Variants in CCDC148 observed in about 807,000 individuals in gnomAD.
CCDC148 encodes the protein coiled-coil domain-containing protein 148.
A neutral mutation model predicts 85.7 loss-of-function variants in CCDC148; 89 were observed. The observed-to-expected ratio is 1.04, with a 90% CI of 0.87 to 1.24. CCDC148 has a LOEUF of 1.24. CCDC148 is among the 50% of genes most tolerant of loss of function. CCDC148 has a pLI of 0.00. For missense variants in CCDC148, 692 were observed against 671.7 expected (o/e 1.03, Z -0.33); for synonymous variants, 230 against 213.9 (o/e 1.08, Z -0.66).
chr2:158,182,787 T>C (rs1233820561), intron 11 of CCDC148, among the ~76,000 whole-genome samples: 2 of 152,186 alleles, frequency 1.3e-5, no homozygotes, highest in Non-Finnish European at 2.9e-5. Flanking sequence ...GTGCTTCTTC[T>C]ACTCTGGATA....
chr2:158,189,190 G>C (rs1402514939), intron 11 of CCDC148, among the ~76,000 whole-genome samples: 1 of 151,884 alleles, frequency 6.6e-6, no homozygotes, highest in Non-Finnish European at 1.5e-5. Context: ...GTCAGAAAGA[G>C]AGTGAGAGGA....
intron 11 of CCDC148, among the ~76,000 whole-genome samples, chr2:158,183,657 C>T (rs144678162): frequency 2.0e-5 from 3 of 152,230 alleles, no homozygotes; most frequent in Non-Finnish European, 4.4e-5. Context: ...ACTCCCCCTA[C>T]CACCTAACAT....
In CCDC148 at chr2:158,377,859, G is replaced by A. The variant is rs555305345; in HGVS notation, c.26-19289C>T. ...ACATAAGAAAGCAAACTTGATAAAT[G>A]TTGTGTGTATTCTGACTAATTCGTT... On this transcript the variant is annotated intron_variant, in intron 1 of 13. Coordinates refer to ENST00000283233, the MANE Select transcript of CCDC148 (RefSeq NM_138803.4). Among the ~76,000 whole-genome samples, 7 of 152,230 alleles carry A rather than the reference G, an allele frequency of 4.6e-5. No individual in the cohort carries two copies. The South Asian group carries it at 1.4e-3, about 32-fold the overall frequency.
chr2:158,328,649 A>G (rs1466108608), intron 7 of CCDC148, among the ~76,000 whole-genome samples: 1 of 152,024 alleles, frequency 6.6e-6, no homozygotes, highest in Non-Finnish European at 1.5e-5. Flanking sequence ...AAGTGCTCCT[A>G]TTTCTCCACA....
chr2:158,353,818 T>C (rs1683465238), intron 2 of CCDC148, among the ~76,000 whole-genome samples: 1 of 152,120 alleles, frequency 6.6e-6, no homozygotes. Context: ...ATTGACCATA[T>C]AGTTGGAAGT....
intron 7 of CCDC148, among the ~76,000 whole-genome samples, chr2:158,323,612 T>A (rs1400974758): frequency 6.6e-6 from 1 of 152,178 alleles, no homozygotes; most frequent in Non-Finnish European, 1.5e-5. Context: ...CGGGGAAAGC[T>A]CTCTATTCAG....
At chr2:158,238,259 C>G (rs759020828) in intron 10 of CCDC148, among the ~76,000 whole-genome samples, 1 of 151,840 alleles carries the variant, frequency 6.6e-6, no homozygotes, top group Non-Finnish European at 1.5e-5. Context: ...TAAACTTGAG[C>G]AGGAGAAGGG....
At chr2:158,337,510 C>T (rs10174033) in intron 7 of CCDC148, among the ~76,000 whole-genome samples, 25,798 of 151,992 alleles carry the variant, frequency 0.17, 3,497 homozygotes, top group African/African-American at 0.38. Flanking sequence ...TACTTCACTA[C>T]GACTGAGTTC....
At chr2:158,310,000 T>C (rs944177587) in intron 8 of CCDC148, among the ~76,000 whole-genome samples, 4 of 152,202 alleles carry the variant, frequency 2.6e-5, no homozygotes, top group African/African-American at 9.7e-5. Flanking sequence ...CATAGGACAA[T>C]AGTGGAGAGA....
At chr2:158,253,110 C>A (rs1271579134) in intron 9 of CCDC148, among the ~76,000 whole-genome samples, 2 of 151,598 alleles carry the variant, frequency 1.3e-5, no homozygotes, top group African/African-American at 4.8e-5. Context: ...ATTTCTTAAG[C>A]GCGGATGAAT....
At chr2:158,190,270 T>C (rs1458371640) in intron 11 of CCDC148, among the ~76,000 whole-genome samples, 3 of 152,004 alleles carry the variant, frequency 2.0e-5, no homozygotes, top group Non-Finnish European at 1.5e-5. Flanking sequence ...AGAAATAATG[T>C]TGGCTTTCAG....
chr2:158,404,790 C>A (rs534084815), intron 1 of CCDC148, among the ~76,000 whole-genome samples: 1 of 152,232 alleles, frequency 6.6e-6, no homozygotes, highest in East Asian at 1.9e-4. Flanking sequence ...TAGGGAGGAC[C>A]AGACTCCCTC....
Position 158,456,533 on chromosome 2 carries a change from A to G in CCDC148, c.-94T>C. 3 of 1,483,980 alleles carry G rather than the reference A, an allele frequency of 2.0e-6. No individual in the cohort carries two copies. Among genetic ancestry groups the G allele is most frequent in the Non-Finnish European group, 2.7e-6 (3 of 1,097,388 alleles). 91.9% of individuals were successfully genotyped at this position (1,483,980 alleles called of 1,614,324 possible). Reference sequence around the variant, plus strand: ...GCTCTCGCCGTCAGGGGTACATCTAAGGGCTCAGCTGTTCCTACCTTTGAC... The same window carrying G: ...GCTCTCGCCGTCAGGGGTACATCTAGGGGCTCAGCTGTTCCTACCTTTGAC... On this transcript the variant is annotated 5_prime_UTR_variant, in exon 1 of 14. Coordinates refer to ENST00000283233, the MANE Select transcript of CCDC148 (RefSeq NM_138803.4).
intron 9 of CCDC148, among the ~76,000 whole-genome samples, chr2:158,268,606 A>T (rs1689573791): frequency 6.6e-6 from 1 of 152,160 alleles, no homozygotes; most frequent in Non-Finnish European, 1.5e-5. Context: ...TTGTGGTGAG[A>T]ATATTCAAGC....
Position 158,339,000 on chromosome 2 carries a change from C to G in CCDC148, c.572G>C (p.Trp191Ser). Residue 191 changes from tryptophan (W) to serine (S), a missense_variant, in exon 6 of 14, where the codon TGG (tryptophan) becomes TCG (serine). Physicochemically the swap from Trp to Ser is radical, Grantham distance 177. Coordinates refer to ENST00000283233, the MANE Select transcript of CCDC148 (RefSeq NM_138803.4). ...CCACATCACACTTACCTTTATACTC[C>G]AGTCTGAAAGATCATTTTCTATTCT... ...QQRIENDLSD[W>S]SIKILDHSLE... The G allele has an allele frequency of 6.2e-7, 1 of 1,612,924 alleles. No homozygotes were observed. Among genetic ancestry groups the G allele is most frequent in the African/African-American group, 1.3e-5 (1 of 74,976 alleles).
chr2:158,251,501 G>C (rs900406897), intron 9 of CCDC148, among the ~76,000 whole-genome samples: 1 of 151,734 alleles, frequency 6.6e-6, no homozygotes, highest in Non-Finnish European at 1.5e-5. Context: ...AAAATGCATA[G>C]CCTTGATCCA....
At chr2:158,198,497 T>G (rs550798277) in intron 11 of CCDC148, among the ~76,000 whole-genome samples, 1 of 152,306 alleles carries the variant, frequency 6.6e-6, no homozygotes, top group Admixed American at 6.5e-5. Flanking sequence ...GTCATTATAT[T>G]CATTTTCTGA....
intron 1 of CCDC148, among the ~76,000 whole-genome samples, chr2:158,398,081 C>A (rs1327292500): frequency 2.6e-5 from 4 of 152,100 alleles, no homozygotes; most frequent in Non-Finnish European, 5.9e-5. Flanking sequence ...AGCTAACTAT[C>A]CTAAATATAT....
chr2:158,409,899 G>A (rs1285925464), intron 1 of CCDC148, among the ~76,000 whole-genome samples: 1 of 152,156 alleles, frequency 6.6e-6, no homozygotes, highest in African/African-American at 2.4e-5. Context: ...TCTTGTGGTA[G>A]TGAATAAGTC....
Sources: gnomAD v4.1 joint callset for allele counts (sites outside exome capture counted in the v4.1 genomes callset) on GRCh38, gnomAD v4.1.1 for gene constraint, MANE v1.5 for transcripts, NCBI Gene and HGNC (gene_info 2026-07-23, HGNC 2026-07-21) for gene names.